The following PDE3A variants were observed in gnomAD, a reference collection of about 807,000 sequenced individuals.
The protein encoded by PDE3A is phosphodiesterase 3A.
PDE3A carries 43 observed loss-of-function variants against 98.3 expected under a neutral mutation model. That is an observed-to-expected ratio of 0.44 (90% CI 0.34 to 0.56). The LOEUF is 0.56. Among genes scored for constraint, PDE3A ranks in the 20% least tolerant of loss-of-function variants. The pLI is 0.01. For synonymous variants in PDE3A, 663 were observed against 567.9 expected, an observed-to-expected ratio of 1.17 and a Z score of -2.38; for missense variants, 1,427 against 1,440.7, an observed-to-expected ratio of 0.99 and a Z score of 0.15.
chr12:20,417,133 C>T (rs1022359399), intron 1 of PDE3A, among the ~76,000 whole-genome samples: 11 of 152,038 alleles, frequency 7.2e-5, no homozygotes, highest in African/African-American at 1.2e-4. Flanking sequence ...TAAGTTAATA[C>T]GTGTAATTTA....
At chr12:20,662,194 C>T (rs2121523914) in intron 15 of PDE3A, among the ~76,000 whole-genome samples, 1 of 152,212 alleles carries the variant, frequency 6.6e-6, no homozygotes. Flanking sequence ...TGAAAACGGA[C>T]TAATATGGAG....
chr12:20,607,441 A>C (rs563103160), intron 2 of PDE3A, among the ~76,000 whole-genome samples: 2 of 151,766 alleles, frequency 1.3e-5, no homozygotes, highest in South Asian at 4.1e-4. Flanking sequence ...CGTCTCAAAA[A>C]AAAAAAAAAA....
In PDE3A at chr12:20,687,334, G is replaced by A. The variant is rs972174157; in HGVS notation, c.*7063G>A. Among the ~76,000 whole-genome samples, 1 of 151,872 alleles carries A rather than the reference G, an allele frequency of 6.6e-6. No individual in the cohort carries two copies. The highest frequency in any genetic ancestry group is 1.5e-5 in the Non-Finnish European group (1 of 67,910). Reference sequence around the variant, plus strand: ...TTTATAAGGATAATTTAGTATTATAGTATTGCTAACTTTAATAATTCTACC... The same window carrying A: ...TTTATAAGGATAATTTAGTATTATAATATTGCTAACTTTAATAATTCTACC... On this transcript the variant is annotated 3_prime_UTR_variant, in exon 16 of 16. Transcript: ENST00000359062.
intron 15 of PDE3A, among the ~76,000 whole-genome samples, chr12:20,677,626 A>AT (rs1024938553): frequency 4.9e-4 from 75 of 151,956 alleles, no homozygotes; most frequent in African/African-American, 1.6e-3. Flanking sequence ...TGCCTGGCTA[A>AT]TTTTTTGTAT....
chr12:20,685,544 T>C lies in PDE3A; in HGVS notation c.*5273T>C, dbSNP rs1219854580. ...CAAAAATACTGACCTAGTATCAGTGTAGGTAAGACCATAAAATACAGTGTA... is the reference window on the plus strand; with the variant it reads ...CAAAAATACTGACCTAGTATCAGTGCAGGTAAGACCATAAAATACAGTGTA... On this transcript the variant is annotated 3_prime_UTR_variant, in exon 16 of 16. Coordinates refer to ENST00000359062, the MANE Select transcript of PDE3A (RefSeq NM_000921.5). Among the ~76,000 whole-genome samples the C allele has an allele frequency of 1.3e-5, 2 of 152,026 alleles. No individual in the cohort carries two copies. The highest frequency in any genetic ancestry group is 4.8e-5 in the African/African-American group (2 of 41,380).
In PDE3A at chr12:20,594,937, TTTA is replaced by T. The variant is rs925545065; in HGVS notation, c.1012-18499_1012-18497del. Among the ~76,000 whole-genome samples the T allele has an allele frequency of 5.2e-4, 79 of 152,238 alleles. 5 individuals carry two copies. The highest frequency in any genetic ancestry group is 3.9e-4 in the East Asian group (2 of 5,182). On this transcript the variant is annotated intron_variant, in intron 2 of 15. Coordinates refer to ENST00000359062, the MANE Select transcript of PDE3A (RefSeq NM_000921.5). ...CTTGTAGATCGATACATTATAAAAT[TTTA>T]TTATTACCACCTATTTATCTATACA... is the stretch of plus-strand genomic sequence containing the variant.
chr12:20,369,251 C>A lies in PDE3A; in HGVS notation c.-34C>A, dbSNP rs1394899224. On this transcript the variant is annotated 5_prime_UTR_variant, in exon 1 of 16. Coordinates refer to ENST00000359062, the MANE Select transcript of PDE3A (RefSeq NM_000921.5). ...GGTCGGGGCGGGGGCGTCGGGGGGC[C>A]ACTGGGAATTCAGTGAAGAGGGCAC... The A allele has an allele frequency of 4.1e-6, 6 of 1,448,428 alleles. No homozygotes were observed. The highest frequency in any genetic ancestry group is 5.5e-6 in the Non-Finnish European group (6 of 1,090,500). 89.7% of individuals were successfully genotyped at this position (1,448,428 alleles called of 1,614,324 possible). A position where few individuals can be genotyped will look rare whatever the true frequency, so the allele number is the denominator to read the frequency against.
At chr12:20,678,796 C>CCA (rs150240609) in intron 15 of PDE3A, among the ~76,000 whole-genome samples, 7 of 152,098 alleles carry the variant, frequency 4.6e-5, no homozygotes, top group South Asian at 2.1e-4. Context: ...CCGACTTGGG[C>CCA]CACACACACA....
At chr12:20,661,266 T>C (rs1432273612) in intron 15 of PDE3A, among the ~76,000 whole-genome samples, 1 of 152,188 alleles carries the variant, frequency 6.6e-6, no homozygotes, top group Non-Finnish European at 1.5e-5. Flanking sequence ...CAAAGGCAAC[T>C]TGGGTGCTCT....
chr12:20,427,172 G>A (rs1195957609), intron 1 of PDE3A, among the ~76,000 whole-genome samples: 1 of 152,200 alleles, frequency 6.6e-6, no homozygotes. Context: ...AGCAAAAATA[G>A]TTTGATACAG....
chr12:20,446,089 T>TC (rs1338497604), intron 1 of PDE3A, among the ~76,000 whole-genome samples: 1 of 152,174 alleles, frequency 6.6e-6, no homozygotes, highest in Admixed American at 6.5e-5. Context: ...TGAGCATTTT[T>TC]CCCTTCGCCC....
At chr12:20,477,738 T>C (rs1265338801) in intron 1 of PDE3A, among the ~76,000 whole-genome samples, 2 of 152,218 alleles carry the variant, frequency 1.3e-5, no homozygotes, top group East Asian at 3.9e-4. Flanking sequence ...TTTTTCTCTG[T>C]CATCCAGTAT....
At chr12:20,443,119 T>C (rs1565550831) in intron 1 of PDE3A, among the ~76,000 whole-genome samples, 1 of 152,010 alleles carries the variant, frequency 6.6e-6, no homozygotes. Flanking sequence ...CAAATGTAAA[T>C]ATATAAATGT....
At chr12:20,474,960 TC>T (rs1474930482) in intron 1 of PDE3A, among the ~76,000 whole-genome samples, 1 of 152,130 alleles carries the variant, frequency 6.6e-6, no homozygotes, top group East Asian at 1.9e-4. Context: ...GATAAATTTA[TC>T]TTTTTTTTTA....
intron 1 of PDE3A, among the ~76,000 whole-genome samples, chr12:20,544,336 A>G (rs1342963557): frequency 6.6e-6 from 1 of 151,700 alleles, no homozygotes; most frequent in Non-Finnish European, 1.5e-5. Context: ...CTGATATATA[A>G]TTTATATTTT....
At chr12:20,564,214 A>G (rs918312985) in intron 2 of PDE3A, among the ~76,000 whole-genome samples, 1 of 152,096 alleles carries the variant, frequency 6.6e-6, no homozygotes, top group Non-Finnish European at 1.5e-5. Flanking sequence ...CTCAGTCCCC[A>G]AACTGTGATA....
intron 15 of PDE3A, among the ~76,000 whole-genome samples, chr12:20,678,594 G>C (rs561899119): frequency 6.6e-6 from 1 of 152,144 alleles, no homozygotes; most frequent in Non-Finnish European, 1.5e-5. Context: ...TTGTTCCTGC[G>C]TTTGTCTCTG....
At position 20,369,902 on chromosome 12, in the gene PDE3A, G is replaced by A. The variant is rs1176102712; in HGVS notation, c.618G>A (p.Leu206=). ...SCLAAATWLV[L]RLRLGVLMIA... ...TGGCCGCCGCGACATGGCTGGTGCTGAGGCTGAGGCTGGGCGTCCTCATGA... is the reference window on the plus strand; with the variant it reads ...TGGCCGCCGCGACATGGCTGGTGCTAAGGCTGAGGCTGGGCGTCCTCATGA... The change falls in exon 1 of 16, where the codon CTG becomes CTA. Residue 206 remains leucine, a synonymous_variant. Coordinates refer to ENST00000359062, the MANE Select transcript of PDE3A (RefSeq NM_000921.5). The A allele has an allele frequency of 6.2e-7, 1 of 1,613,386 alleles. No homozygotes were observed. Among genetic ancestry groups the A allele is most frequent in the Non-Finnish European group, 8.5e-7 (1 of 1,179,942 alleles).
chr12:20,674,333 T>C (rs762831157), intron 15 of PDE3A, among the ~76,000 whole-genome samples: 1 of 152,202 alleles, frequency 6.6e-6, no homozygotes, highest in East Asian at 1.9e-4. Flanking sequence ...TAGTACAATT[T>C]TGAATAGCAG....
Sources: gnomAD v4.1 joint callset for allele counts (sites outside exome capture counted in the v4.1 genomes callset) on GRCh38, gnomAD v4.1.1 for gene constraint, MANE v1.5 for transcripts, NCBI Gene and HGNC (gene_info 2026-07-23, HGNC 2026-07-21) for gene names.